MAMDC2: variants seen among roughly 807,000 people sequenced by gnomAD.
MAMDC2 encodes the protein MAM domain containing 2.
A neutral mutation model predicts 89.8 loss-of-function variants in MAMDC2; 57 were observed. The ratio of observed to expected loss-of-function variants is 0.63; its 90% confidence interval spans 0.51 to 0.79. MAMDC2 has a LOEUF of 0.79. MAMDC2 is among the 30% of genes least tolerant of loss of function. The pLI, the probability that MAMDC2 is intolerant of heterozygous loss-of-function variation, is 0.00. For missense variants in MAMDC2, 800 were observed against 820.6 expected (o/e 0.97, Z 0.31); for synonymous variants, 313 against 293.4 (o/e 1.07, Z -0.68).
intron 11 of MAMDC2, chr9:70,170,950 G>C (rs1176074611): frequency 3.5e-6 from 1 of 284,202 alleles, no homozygotes; most frequent in Non-Finnish European, 6.5e-6. Flanking sequence ...ATTGGAGCCA[G>C]GGCCGAGGCC....
At chr9:70,149,137 G>A (rs1284070858) in intron 9 of MAMDC2, among the ~76,000 whole-genome samples, 2 of 148,626 alleles carry the variant, frequency 1.3e-5, no homozygotes, top group Non-Finnish European at 3.0e-5. Context: ...CTTGAACCCA[G>A]GAGGTGGATG....
At chr9:70,195,813 T>C (rs760858219) in intron 11 of MAMDC2, among the ~76,000 whole-genome samples, 108 of 152,098 alleles carry the variant, frequency 7.1e-4, no homozygotes, top group Non-Finnish European at 1.2e-4. Flanking sequence ...AACCATAAAG[T>C]GCTTCCTTTA....
At chr9:70,068,383 C>T (rs1171583632) in intron 2 of MAMDC2, among the ~76,000 whole-genome samples, 1 of 151,954 alleles carries the variant, frequency 6.6e-6, no homozygotes, top group Admixed American at 6.6e-5. Flanking sequence ...GGATAGGATT[C>T]AATGACAGTG....
intron 7 of MAMDC2, among the ~76,000 whole-genome samples, chr9:70,135,189 C>T (rs936505125): frequency 6.6e-6 from 1 of 152,126 alleles, no homozygotes; most frequent in African/African-American, 2.4e-5. Context: ...CTTAAAGGGG[C>T]TTTAGTTCTT....
chr9:70,125,172 C>CT (rs1347804674), intron 5 of MAMDC2, among the ~76,000 whole-genome samples: 2 of 152,208 alleles, frequency 1.3e-5, no homozygotes, highest in African/African-American at 4.8e-5. Context: ...ACAATGATAG[C>CT]TTACCCTTTA....
intron 2 of MAMDC2, among the ~76,000 whole-genome samples, chr9:70,054,199 A>G (rs1285764525): frequency 1.3e-5 from 2 of 152,146 alleles, no homozygotes; most frequent in African/African-American, 4.8e-5. Flanking sequence ...GAGTATGGGA[A>G]CCTTTAGCAG....
At chr9:70,102,486 T>C (rs528735838) in intron 2 of MAMDC2, among the ~76,000 whole-genome samples, 2 of 152,340 alleles carry the variant, frequency 1.3e-5, no homozygotes, top group Admixed American at 1.3e-4. Flanking sequence ...AAGTTATCGA[T>C]ACATTGAGTT....
chr9:70,066,192 G>C (rs1827258132), intron 2 of MAMDC2, among the ~76,000 whole-genome samples: 1 of 152,160 alleles, frequency 6.6e-6, no homozygotes, highest in South Asian at 2.1e-4. Flanking sequence ...CAAGGGAATG[G>C]GGCAGCCAGA....
At chr9:70,165,729 C>G (rs547357250) in intron 9 of MAMDC2, among the ~76,000 whole-genome samples, 6 of 152,312 alleles carry the variant, frequency 3.9e-5, no homozygotes, top group African/African-American at 1.4e-4. Context: ...ATGCTGCATA[C>G]CTGCTGTGTC....
At chr9:70,099,028 C>T (rs933357288) in intron 2 of MAMDC2, among the ~76,000 whole-genome samples, 1 of 151,930 alleles carries the variant, frequency 6.6e-6, no homozygotes, top group Non-Finnish European at 1.5e-5. Context: ...ATATAATTAG[C>T]GATTTATTAA....
At chr9:70,206,825 T>C (rs1474929028) in intron 11 of MAMDC2, among the ~76,000 whole-genome samples, 1 of 152,156 alleles carries the variant, frequency 6.6e-6, no homozygotes, top group Admixed American at 6.5e-5. Context: ...TTCCCCACCC[T>C]GTGTCCAAGT....
intron 11 of MAMDC2, among the ~76,000 whole-genome samples, chr9:70,214,619 T>G (rs2033412594): frequency 6.6e-6 from 1 of 152,150 alleles, no homozygotes; most frequent in African/African-American, 2.4e-5. Context: ...AATTTTGAGA[T>G]GAGATTGCAG....
chr9:70,106,266 T>C (rs1828337682), intron 2 of MAMDC2, among the ~76,000 whole-genome samples: 1 of 152,040 alleles, frequency 6.6e-6, no homozygotes, highest in Admixed American at 6.5e-5. Context: ...CCAGGGAAAA[T>C]TGAGCCTCCC....
At chr9:70,089,286 G>C (rs181777903) in intron 2 of MAMDC2, 2 of 152,288 alleles carry the variant, frequency 1.3e-5, no homozygotes, top group Non-Finnish European at 2.9e-5. Context: ...GGGGCTTTCT[G>C]ATGCTCTTCA....
chr9:70,154,557 C>G (rs1250500521), intron 9 of MAMDC2, among the ~76,000 whole-genome samples: 9 of 128,820 alleles, frequency 7.0e-5, no homozygotes, highest in Non-Finnish European at 1.5e-4. Context: ...GAGACAGGGT[C>G]TCTGTTGCCC....
At chr9:70,215,618 C>G (rs1221906570) in intron 11 of MAMDC2, among the ~76,000 whole-genome samples, 1 of 152,230 alleles carries the variant, frequency 6.6e-6, no homozygotes, top group African/African-American at 2.4e-5. Flanking sequence ...TCTACTTGTT[C>G]ACTGCATTCA....
intron 2 of MAMDC2, among the ~76,000 whole-genome samples, chr9:70,095,140 A>C (rs1827995592): frequency 6.6e-6 from 1 of 152,220 alleles, no homozygotes; most frequent in Non-Finnish European, 1.5e-5. Flanking sequence ...AAGGAACTAA[A>C]AGAAATTCTG....
rs556970548 is a variant in MAMDC2 at position 70,226,890 on chromosome 9, G to C, written c.*858G>C. ...TAAACTGCTTTTATTTACTTGTTTA[G>C]AAAATTGTATATATATGTTTGTGTA... On this transcript the variant is annotated 3_prime_UTR_variant, in exon 14 of 14. Coordinates refer to ENST00000377182, the MANE Select transcript of MAMDC2 (RefSeq NM_153267.5). The C allele has an allele frequency of 3.3e-4, 50 of 152,070 alleles. No homozygotes were observed. Among genetic ancestry groups the C allele is most frequent in the African/African-American group, 1.2e-3 (48 of 41,514 alleles). The allele number at this position is 152,070 out of a possible 1,614,324, so 9.4% of individuals were successfully genotyped here.
chr9:70,193,099 G>GAGA (rs1344430172), intron 11 of MAMDC2, among the ~76,000 whole-genome samples: 2 of 152,070 alleles, frequency 1.3e-5, no homozygotes, highest in Admixed American at 1.3e-4. Context: ...ATAGGCCTAG[G>GAGA]AGAAGGTTTA....
Sources: allele counts gnomAD v4.1 joint callset (sites outside exome capture counted in the v4.1 genomes callset), GRCh38; gene constraint gnomAD v4.1.1; transcripts MANE v1.5; gene names NCBI Gene and HGNC (gene_info 2026-07-23, HGNC 2026-07-21).